MACROD2: variants seen among roughly 807,000 people sequenced by gnomAD.
The protein encoded by MACROD2 is mono-ADP ribosylhydrolase 2, also known as ADP-ribose glycohydrolase MACROD2.
In MACROD2, 36 loss-of-function variants were observed where a neutral mutation model predicts 70.4. That is an observed-to-expected ratio of 0.51 (90% CI 0.39 to 0.68). The LOEUF (loss-of-function observed/expected upper bound fraction) is 0.68. MACROD2 is among the 30% of genes least tolerant of loss of function. The pLI is 0.00. For synonymous variants in MACROD2, 172 were observed against 178.8 expected (o/e 0.96, Z 0.30); for missense variants, 496 against 538.4 (o/e 0.92, Z 0.78).
chr20:14,792,856 A>G (rs550379351), intron 5 of MACROD2, among the ~76,000 whole-genome samples: 2 of 152,276 alleles, frequency 1.3e-5, no homozygotes, highest in East Asian at 3.9e-4. Flanking sequence ...TGTATCCACC[A>G]AGCTCTGCTA....
intron 5 of MACROD2, among the ~76,000 whole-genome samples, chr20:15,104,371 C>A (rs2075895680): frequency 6.6e-6 from 1 of 152,112 alleles, no homozygotes; most frequent in Admixed American, 6.6e-5. Flanking sequence ...CAGAATCCAA[C>A]ATATCAGGTC....
chr20:14,272,810 C>A (rs1051997096), intron 3 of MACROD2, among the ~76,000 whole-genome samples: 27 of 152,194 alleles, frequency 1.8e-4, no homozygotes, highest in Admixed American at 1.4e-3. Flanking sequence ...ATCTACCAAG[C>A]AAATGTAAAA....
intron 5 of MACROD2, among the ~76,000 whole-genome samples, chr20:15,200,783 C>T (rs560096935): frequency 1.4e-4 from 21 of 152,346 alleles, no homozygotes; most frequent in African/African-American, 4.1e-4. Flanking sequence ...AATGTTTATA[C>T]AGATCCTCTA....
At chr20:14,911,757 A>G (rs921192983) in intron 5 of MACROD2, among the ~76,000 whole-genome samples, 2 of 152,050 alleles carry the variant, frequency 1.3e-5, no homozygotes, top group Non-Finnish European at 2.9e-5. Flanking sequence ...ATCTAGTAAT[A>G]CCTTACTATA....
At chr20:15,022,380 T>C (rs2075194749) in intron 5 of MACROD2, among the ~76,000 whole-genome samples, 1 of 152,212 alleles carries the variant, frequency 6.6e-6, no homozygotes, top group Non-Finnish European at 1.5e-5. Context: ...TTTCTTTTCA[T>C]TGTTCCCAGT....
intron 3 of MACROD2, among the ~76,000 whole-genome samples, chr20:14,476,039 T>G (rs138763287): frequency 0.012 from 1,825 of 152,092 alleles, 10 homozygotes; most frequent in Non-Finnish European, 0.018. Context: ...TTAGAAGTCA[T>G]GAGATTAACA....
At chr20:14,792,250 A>T (rs2072459516) in intron 5 of MACROD2, among the ~76,000 whole-genome samples, 1 of 152,176 alleles carries the variant, frequency 6.6e-6, no homozygotes, top group African/African-American at 2.4e-5. Context: ...TGAATATAAG[A>T]CTGTTAGATT....
intron 3 of MACROD2, among the ~76,000 whole-genome samples, chr20:14,477,667 A>T (rs759945130): frequency 6.6e-6 from 1 of 152,122 alleles, no homozygotes; most frequent in Non-Finnish European, 1.5e-5. Flanking sequence ...TTGCTCTAAC[A>T]ATGACTCCAT....
intron 6 of MACROD2, among the ~76,000 whole-genome samples, chr20:15,278,203 C>T (rs1277880709): frequency 6.6e-6 from 1 of 152,038 alleles, no homozygotes; most frequent in Non-Finnish European, 1.5e-5. Flanking sequence ...AAGCTTTTTG[C>T]CCCTGAGTCA....
intron 6 of MACROD2, among the ~76,000 whole-genome samples, chr20:15,301,354 C>T (rs1173910018): frequency 6.6e-6 from 1 of 152,152 alleles, no homozygotes; most frequent in Non-Finnish European, 1.5e-5. Context: ...AAGAGTGAGC[C>T]AGCACGGGGC....
At chr20:15,876,502 C>T (rs1424657912) in intron 9 of MACROD2, among the ~76,000 whole-genome samples, 1 of 152,064 alleles carries the variant, frequency 6.6e-6, no homozygotes, top group Non-Finnish European at 1.5e-5. Flanking sequence ...TTTTCTTAAT[C>T]CAGTCTATCA....
intron 5 of MACROD2, among the ~76,000 whole-genome samples, chr20:14,786,889 A>G (rs990933019): frequency 6.6e-6 from 1 of 152,080 alleles, no homozygotes; most frequent in African/African-American, 2.4e-5. Context: ...GAAAGAGGCA[A>G]TGTGGCAGTA....
intron 5 of MACROD2, among the ~76,000 whole-genome samples, chr20:14,801,501 T>A (rs2072575134): frequency 6.6e-6 from 1 of 152,140 alleles, no homozygotes; most frequent in Admixed American, 6.5e-5. Context: ...TGTAATCTGT[T>A]TATTTTACAT....
At chr20:14,677,005 C>T (rs2070869819) in intron 4 of MACROD2, among the ~76,000 whole-genome samples, 1 of 152,022 alleles carries the variant, frequency 6.6e-6, no homozygotes, top group Non-Finnish European at 1.5e-5. Flanking sequence ...TGTCTTGGTT[C>T]TCTTTTATTT....
At chr20:14,582,196 A>G (rs1981073632) in intron 4 of MACROD2, among the ~76,000 whole-genome samples, 1 of 152,208 alleles carries the variant, frequency 6.6e-6, no homozygotes, top group Non-Finnish European at 1.5e-5. Flanking sequence ...ACAGTATGAA[A>G]GAGAAAAATC....
At chr20:15,995,831 GTAT>G (rs1413554430) in intron 15 of MACROD2, among the ~76,000 whole-genome samples, 17 of 145,936 alleles carry the variant, frequency 1.2e-4, no homozygotes, top group Non-Finnish European at 2.1e-4. Context: ...ATATTCCATT[GTAT>G]ACATATTATG....
At chr20:15,715,461 A>G (rs2050695285) in intron 8 of MACROD2, among the ~76,000 whole-genome samples, 1 of 152,210 alleles carries the variant, frequency 6.6e-6, no homozygotes, top group African/African-American at 2.4e-5. Context: ...TAAAATGCAC[A>G]TCATTTTATG....
At chr20:14,901,243 C>A (rs189674469) in intron 5 of MACROD2, among the ~76,000 whole-genome samples, 1 of 152,080 alleles carries the variant, frequency 6.6e-6, no homozygotes, top group East Asian at 1.9e-4. Flanking sequence ...TAGCATTAGA[C>A]AAATTGTTTG....
chr20:15,708,116 G>A lies in MACROD2; in HGVS notation c.646-154629G>A, dbSNP rs537808220. ...GTAATAGTATTGGAGATTTGAAATC[G>A]TTATTTTACTCAGGCATTTATTAAT... is the stretch of plus-strand genomic sequence containing the variant. On this transcript the variant is annotated intron_variant, in intron 8 of 17. Coordinates refer to ENST00000684519, the MANE Select transcript of MACROD2 (RefSeq NM_001351661.2). Among the ~76,000 whole-genome samples the A allele has an allele frequency of 2.4e-4, 36 of 152,036 alleles. 1 individual carries two copies. In the South Asian group the frequency reaches 7.5e-3, roughly 32 times the overall value.
Sources: gnomAD v4.1 joint callset for allele counts (sites outside exome capture counted in the v4.1 genomes callset) on GRCh38, gnomAD v4.1.1 for gene constraint, MANE v1.5 for transcripts, NCBI Gene and HGNC (gene_info 2026-07-23, HGNC 2026-07-21) for gene names.